The following AGBL4 variants were observed in gnomAD, a reference collection of about 807,000 sequenced individuals.
AGBL4 encodes AGBL carboxypeptidase 4, also known as cytosolic carboxypeptidase 6.
In AGBL4, 58 loss-of-function variants were observed where a neutral mutation model predicts 66.4. The ratio of observed to expected loss-of-function variants is 0.87; its 90% confidence interval spans 0.71 to 1.09. AGBL4 has a LOEUF of 1.09. Among genes scored for constraint, AGBL4 ranks in the 50% least tolerant of loss-of-function variants. AGBL4 has a pLI of 0.00. For synonymous variants in AGBL4, 234 were observed against 222.9 expected, an observed-to-expected ratio of 1.05 and a Z score of -0.44; for missense variants, 579 against 631.0, an observed-to-expected ratio of 0.92 and a Z score of 0.88.
rs1345468612 is a variant in AGBL4, at chr1:49,262,108, T to C, written c.283-16244A>G. ...GTGCTGGGAAAACTGGCTAGCCATA[T>C]GTAGAAAGCTGAAACTGGATACCTT... On this transcript the variant is annotated intron_variant, in intron 3 of 13. Transcript: ENST00000371839. 4.5e-4 allele frequency among the ~76,000 whole-genome samples: 69 copies of C among 152,222 alleles called. 1 individual carries two copies. Among genetic ancestry groups the C allele is most frequent in the African/African-American group, 1.5e-3 (64 of 41,528 alleles).
At chr1:49,199,919 C>T (rs1384857545) in intron 4 of AGBL4, among the ~76,000 whole-genome samples, 1 of 152,158 alleles carries the variant, frequency 6.6e-6, no homozygotes. Flanking sequence ...CTCAGAGCTG[C>T]ATCCCTGTCC....
intron 1 of AGBL4, among the ~76,000 whole-genome samples, chr1:49,866,152 C>T (rs1388806971): frequency 6.6e-6 from 1 of 152,152 alleles, no homozygotes; most frequent in African/African-American, 2.4e-5. Context: ...CTGAAAGAGA[C>T]AGGGAGAGTG....
intron 2 of AGBL4, among the ~76,000 whole-genome samples, chr1:49,777,111 T>C (rs1340423016): frequency 2.6e-5 from 4 of 152,194 alleles, no homozygotes; most frequent in Admixed American, 1.3e-4. Context: ...AGCTTAGAGA[T>C]TGTAGGGTGA....
intron 6 of AGBL4, among the ~76,000 whole-genome samples, chr1:48,765,126 T>C (rs1644468011): frequency 6.6e-6 from 1 of 152,238 alleles, no homozygotes; most frequent in Admixed American, 6.5e-5. Flanking sequence ...ACATCCTACC[T>C]ACCTTCTTTG....
chr1:49,545,467 C>A (rs999268017), intron 3 of AGBL4, among the ~76,000 whole-genome samples: 3 of 152,174 alleles, frequency 2.0e-5, no homozygotes, highest in Non-Finnish European at 4.4e-5. Context: ...GAGAACCCAG[C>A]TAAGATATAC....
chr1:49,423,936 A>G (rs569803224), intron 3 of AGBL4, among the ~76,000 whole-genome samples: 51 of 152,146 alleles, frequency 3.4e-4, no homozygotes, highest in Non-Finnish European at 6.5e-4. Flanking sequence ...CCCTAATGTC[A>G]ATGAGAAATG....
intron 9 of AGBL4, among the ~76,000 whole-genome samples, chr1:48,597,006 A>G (rs1645004318): frequency 6.6e-6 from 1 of 152,050 alleles, no homozygotes; most frequent in Non-Finnish European, 1.5e-5. Flanking sequence ...TCCCAAGCAC[A>G]CTGGTGTTCT....
intron 5 of AGBL4, among the ~76,000 whole-genome samples, chr1:48,878,328 G>A (rs989919445): frequency 6.6e-6 from 1 of 152,132 alleles, no homozygotes. Flanking sequence ...TAGAAGCCAG[G>A]AGCTGTGTTT....
chr1:49,445,291 AT>A (rs1339686073), intron 3 of AGBL4, among the ~76,000 whole-genome samples: 1 of 151,778 alleles, frequency 6.6e-6, no homozygotes, highest in Non-Finnish European at 1.5e-5. Flanking sequence ...TTTATCTTTG[AT>A]TTTAAACAGT....
At chr1:49,689,483 T>C (rs530627557) in intron 3 of AGBL4, among the ~76,000 whole-genome samples, 1 of 152,320 alleles carries the variant, frequency 6.6e-6, no homozygotes, top group African/African-American at 2.4e-5. Context: ...AGCTCTGCAG[T>C]ATAATTTGAA....
intron 3 of AGBL4, among the ~76,000 whole-genome samples, chr1:49,530,624 C>T (rs1218377044): frequency 6.6e-6 from 1 of 151,912 alleles, no homozygotes; most frequent in Non-Finnish European, 1.5e-5. Flanking sequence ...TATGCACCAT[C>T]CTATTTGATA....
At chr1:49,415,824 A>G (rs1283001890) in intron 3 of AGBL4, among the ~76,000 whole-genome samples, 1 of 152,100 alleles carries the variant, frequency 6.6e-6, no homozygotes, top group Non-Finnish European at 1.5e-5. Context: ...AGTTAAGTGA[A>G]AGTAATTTGC....
intron 2 of AGBL4, among the ~76,000 whole-genome samples, chr1:49,738,392 A>G (rs772909823): frequency 2.6e-5 from 4 of 152,230 alleles, no homozygotes; most frequent in African/African-American, 4.8e-5. Flanking sequence ...TTGAGCAGGT[A>G]AACAAAATGG....
intron 1 of AGBL4, among the ~76,000 whole-genome samples, chr1:49,914,593 T>C (rs1651196811): frequency 1.3e-5 from 2 of 152,208 alleles, no homozygotes; most frequent in African/African-American, 2.4e-5. Flanking sequence ...TACAGGATTC[T>C]TCTAGCCTAC....
intron 1 of AGBL4, among the ~76,000 whole-genome samples, chr1:49,990,150 G>A (rs893279995): frequency 1.3e-5 from 2 of 152,046 alleles, no homozygotes; most frequent in East Asian, 3.9e-4. Flanking sequence ...CCATATACTG[G>A]TATAATTTTT....
chr1:49,239,771 A>G (rs1399120749), intron 4 of AGBL4, among the ~76,000 whole-genome samples: 1 of 152,150 alleles, frequency 6.6e-6, no homozygotes, highest in Non-Finnish European at 1.5e-5. Context: ...GAAATATAGA[A>G]GTGTATAGAA....
At chr1:48,830,705 A>T (rs1339113966) in intron 6 of AGBL4, among the ~76,000 whole-genome samples, 1 of 152,262 alleles carries the variant, frequency 6.6e-6, no homozygotes, top group African/African-American at 2.4e-5. Context: ...GCTGTATGCC[A>T]GTCACTGAGC....
chr1:49,424,945 A>C (rs1645623730), intron 3 of AGBL4, among the ~76,000 whole-genome samples: 1 of 152,184 alleles, frequency 6.6e-6, no homozygotes, highest in South Asian at 2.1e-4. Context: ...TGAGGACATA[A>C]GAGCCTGGAA....
At chr1:49,918,784 A>G (rs933225285) in intron 1 of AGBL4, among the ~76,000 whole-genome samples, 2 of 152,244 alleles carry the variant, frequency 1.3e-5, no homozygotes, top group Non-Finnish European at 2.9e-5. Flanking sequence ...ACACAAAAAA[A>G]GAGAATTATA....
Sources: allele counts gnomAD v4.1 joint callset (sites outside exome capture counted in the v4.1 genomes callset), GRCh38; gene constraint gnomAD v4.1.1; transcripts MANE v1.5; gene names NCBI Gene and HGNC (gene_info 2026-07-23, HGNC 2026-07-21).